CSMD1: variants seen among roughly 807,000 people sequenced by gnomAD.
The protein encoded by CSMD1 is CUB and Sushi multiple domains 1.
CSMD1 carries 213 observed loss-of-function variants against 417.5 expected under a neutral mutation model. The observed-to-expected ratio is 0.51, with a 90% CI of 0.46 to 0.57. CSMD1 has a LOEUF of 0.57. CSMD1 is among the 20% of genes least tolerant of loss of function. CSMD1 has a pLI of 0.00. For synonymous variants in CSMD1, 2,862 were observed against 1,736.8 expected (o/e 1.65, Z -16.11); for missense variants, 6,923 against 4,529.7 (o/e 1.53, Z -15.17).
intron 10 of CSMD1, among the ~76,000 whole-genome samples, chr8:3,533,431 C>T (rs1377020044): frequency 2.6e-5 from 4 of 152,128 alleles, no homozygotes; most frequent in Non-Finnish European, 2.9e-5. Context: ...ACTCTGTCAG[C>T]GTCTATGAGT....
intron 7 of CSMD1, among the ~76,000 whole-genome samples, chr8:3,686,351 T>C (rs889404150): frequency 3.3e-5 from 5 of 152,164 alleles, no homozygotes; most frequent in Non-Finnish European, 7.3e-5. Flanking sequence ...TACGCTTGTC[T>C]TCACTTTTCT....
chr8:3,181,945 T>C (rs1821358938), intron 36 of CSMD1, among the ~76,000 whole-genome samples: 1 of 152,176 alleles, frequency 6.6e-6, no homozygotes, highest in Non-Finnish European at 1.5e-5. Flanking sequence ...GAATGAATCA[T>C]AATATGGAAA....
intron 3 of CSMD1, among the ~76,000 whole-genome samples, chr8:4,281,734 T>C (rs1047631850): frequency 2.6e-5 from 4 of 152,218 alleles, no homozygotes; most frequent in African/African-American, 4.8e-5. Context: ...ACGGAATCAA[T>C]GTAATGTCTC....
chr8:4,020,882 C>G (rs959987712), intron 4 of CSMD1, among the ~76,000 whole-genome samples: 1 of 152,114 alleles, frequency 6.6e-6, no homozygotes, highest in Admixed American at 6.5e-5. Flanking sequence ...TATTTTTGGT[C>G]CTACTCAGCT....
chr8:3,483,949 C>G (rs992869093), intron 11 of CSMD1, among the ~76,000 whole-genome samples: 23 of 152,184 alleles, frequency 1.5e-4, no homozygotes, highest in Non-Finnish European at 2.4e-4. Context: ...ACATAGTGTT[C>G]ATGAGCTGAA....
intron 5 of CSMD1, among the ~76,000 whole-genome samples, chr8:3,966,359 T>G (rs974192597): frequency 6.3e-4 from 96 of 152,306 alleles, no homozygotes; most frequent in African/African-American, 2.2e-3. Flanking sequence ...CTCCCAAATT[T>G]ATAAACATCC....
intron 1 of CSMD1, among the ~76,000 whole-genome samples, chr8:4,766,111 A>C (rs1312834655): frequency 6.6e-6 from 1 of 152,224 alleles, no homozygotes; most frequent in Non-Finnish European, 1.5e-5. Context: ...ATAATATTTT[A>C]CAGCCAAATA....
At chr8:4,236,042 T>TTTTTTG (rs1802033902) in intron 3 of CSMD1, among the ~76,000 whole-genome samples, 1 of 34,530 alleles carries the variant, frequency 2.9e-5, no homozygotes, top group East Asian at 1.5e-3. Flanking sequence ...TTTGTTTGTT[T>TTTTTTG]TTTTTTTTTT....
intron 2 of CSMD1, among the ~76,000 whole-genome samples, chr8:4,487,279 G>A (rs752434625): frequency 2.6e-4 from 40 of 152,030 alleles, no homozygotes; most frequent in Non-Finnish European, 2.9e-4. Flanking sequence ...CCATTAACTC[G>A]TCATTTAGCA....
intron 3 of CSMD1, among the ~76,000 whole-genome samples, chr8:4,226,095 C>T (rs894681824): frequency 6.6e-6 from 1 of 151,758 alleles, no homozygotes; most frequent in African/African-American, 2.4e-5. Flanking sequence ...CACACACACA[C>T]ACACACACAC....
At chr8:4,045,935 T>C (rs890695757) in intron 3 of CSMD1, among the ~76,000 whole-genome samples, 8 of 152,188 alleles carry the variant, frequency 5.3e-5, no homozygotes, top group African/African-American at 1.2e-4. Flanking sequence ...TCTGGAAAAA[T>C]ACATCTAAGT....
At chr8:4,151,413 TATAA>T (rs1448634670) in intron 3 of CSMD1, among the ~76,000 whole-genome samples, 9 of 152,192 alleles carry the variant, frequency 5.9e-5, no homozygotes, top group East Asian at 1.9e-4. Flanking sequence ...TCTTTAAAAA[TATAA>T]ATAAATTCTG....
intron 3 of CSMD1, among the ~76,000 whole-genome samples, chr8:4,104,635 T>C (rs1192988699): frequency 1.3e-5 from 2 of 152,194 alleles, no homozygotes; most frequent in Non-Finnish European, 2.9e-5. Context: ...GAGGCTAGTT[T>C]GTCATACATG....
At chr8:4,129,170 C>T (rs544923513) in intron 3 of CSMD1, among the ~76,000 whole-genome samples, 1 of 151,118 alleles carries the variant, frequency 6.6e-6, no homozygotes, top group Non-Finnish European at 1.5e-5. Context: ...CATCCCCAAC[C>T]TCTTCTTCCA....
intron 12 of CSMD1, among the ~76,000 whole-genome samples, chr8:3,410,622 G>C (rs1812632290): frequency 6.6e-6 from 1 of 152,218 alleles, no homozygotes; most frequent in East Asian, 1.9e-4. Context: ...CAGCCATGTG[G>C]AACTGTAAGT....
chr8:3,762,556 A>C (rs1375019204), intron 5 of CSMD1, among the ~76,000 whole-genome samples: 1 of 152,248 alleles, frequency 6.6e-6, no homozygotes, highest in African/African-American at 2.4e-5. Context: ...ACAGGCGTGT[A>C]ACTCCATTTG....
intron 1 of CSMD1, among the ~76,000 whole-genome samples, chr8:4,815,319 G>A (rs1485632254): frequency 3.3e-5 from 5 of 152,124 alleles, no homozygotes; most frequent in African/African-American, 4.8e-5. Flanking sequence ...TCTGAGTTAG[G>A]CAAAAGGTAT....
intron 1 of CSMD1, among the ~76,000 whole-genome samples, chr8:4,924,925 C>G (rs1421655599): frequency 1.3e-5 from 2 of 152,086 alleles, no homozygotes; most frequent in African/African-American, 2.4e-5. Flanking sequence ...CTCTTCAAAT[C>G]CCGTCTCTTT....
chr8:4,346,588 A>T (rs927704837), intron 3 of CSMD1, among the ~76,000 whole-genome samples: 11 of 152,156 alleles, frequency 7.2e-5, no homozygotes, highest in African/African-American at 2.4e-4. Flanking sequence ...TTCTTGACTG[A>T]TTTCATTTCA....
Sources: gnomAD v4.1 joint callset for allele counts (sites outside exome capture counted in the v4.1 genomes callset) on GRCh38, gnomAD v4.1.1 for gene constraint, MANE v1.5 for transcripts, NCBI Gene and HGNC (gene_info 2026-07-23, HGNC 2026-07-21) for gene names.